Variants in DPM1 observed in about 807,000 individuals in gnomAD.
The protein encoded by DPM1 is dolichyl-phosphate mannosyltransferase subunit 1, catalytic, also known as dolichol-phosphate mannosyltransferase subunit 1.
DPM1 carries 27 observed loss-of-function variants against 39.0 expected under a neutral mutation model. The observed-to-expected ratio is 0.69, with a 90% CI of 0.51 to 0.95. The LOEUF is 0.95. DPM1 is among the 40% of genes least tolerant of loss of function. The pLI is 0.00. For missense variants in DPM1, 307 were observed against 315.6 expected (o/e 0.97, Z 0.21); for synonymous variants, 124 against 109.0 (o/e 1.14, Z -0.86).
chr20:50,951,088 CA>C (rs2123131583), intron 2 of DPM1, among the ~76,000 whole-genome samples: 1 of 152,228 alleles, frequency 6.6e-6, no homozygotes, highest in South Asian at 2.1e-4. Context: ...TAAAATAAAA[CA>C]ATTACAACAA....
chr20:50,955,365 A>G (rs1986773778), intron 1 of DPM1, 80 bp from the exon 2 acceptor site: 5 of 994,138 alleles, frequency 5.0e-6, no homozygotes, highest in Admixed American at 3.9e-5. Context: ...CTAATTCCTT[A>G]AAAGTATAAA....
chr20:50,941,502 A>G (rs1355956845), intron 6 of DPM1, among the ~76,000 whole-genome samples: 1 of 150,436 alleles, frequency 6.6e-6, no homozygotes. Flanking sequence ...ACCTGAGCTC[A>G]GGAGTTCGAG....
chr20:50,958,072 CAAGTAA>C (rs1478973799), intron 1 of DPM1, among the ~76,000 whole-genome samples: 3 of 152,214 alleles, frequency 2.0e-5, no homozygotes, highest in African/African-American at 7.2e-5. Context: ...GCCTCGCTTC[CAAGTAA>C]AAGAGTGGCC....
chr20:50,948,740 CAT>C (rs570292112), intron 2 of DPM1, 78 bp from the exon 3 acceptor site: 6 of 1,252,706 alleles, frequency 4.8e-6, no homozygotes, highest in Non-Finnish European at 7.0e-6. Flanking sequence ...TTCAAAAGTG[CAT>C]ACTCACTTTA....
chr20:50,938,868 A>G (rs1427426063), intron 7 of DPM1, among the ~76,000 whole-genome samples: 1 of 151,430 alleles, frequency 6.6e-6, no homozygotes, highest in East Asian at 2.0e-4. Context: ...AATCCCAGCT[A>G]CTCGGGAGGC....
intron 2 of DPM1, 100 bp from the exon 3 acceptor site, chr20:50,948,762 T>C (rs1986423520): frequency 1.8e-6 from 2 of 1,082,026 alleles, no homozygotes; most frequent in African/African-American, 1.6e-5. Flanking sequence ...AATAGAAATA[T>C]AGTTGCACTT....
At chr20:50,940,086 TTGTGTGTGTGTGTGTG>T (rs11469059) in intron 7 of DPM1, among the ~76,000 whole-genome samples, 8 of 146,636 alleles carry the variant, frequency 5.5e-5, no homozygotes, top group South Asian at 2.2e-4. Flanking sequence ...AGGTCCTAAT[TTGTGTGTGTGTGTGTG>T]TGTGTGTGTG....
chr20:50,934,974 A>T lies in DPM1; in HGVS notation c.*158T>A, dbSNP rs1985022087. The T allele has an allele frequency of 1.1e-5, 6 of 564,770 alleles. No homozygotes were observed. Among genetic ancestry groups the T allele is most frequent in the Non-Finnish European group, 1.9e-5 (6 of 315,370 alleles). The allele number at this position is 564,770 out of a possible 1,614,324, so 35.0% of individuals were successfully genotyped here. ...TAGGCCAGCAACTTTAAAATTATTT[A>T]ATTTGAAATATAAAATAGGTGGTCT... is the stretch of plus-strand genomic sequence containing the variant. On this transcript the variant is annotated 3_prime_UTR_variant, in exon 9 of 9. Transcript: ENST00000371588.
At chr20:50,951,892 T>C (rs1418801136) in intron 2 of DPM1, among the ~76,000 whole-genome samples, 1 of 152,236 alleles carries the variant, frequency 6.6e-6, no homozygotes, top group Non-Finnish European at 1.5e-5. Context: ...TTATTTCTTA[T>C]GTAGGAAATC....
chr20:50,947,445 T>A (rs879931075), intron 3 of DPM1, among the ~76,000 whole-genome samples: 2 of 152,334 alleles, frequency 1.3e-5, no homozygotes, highest in Middle Eastern at 3.4e-3. Flanking sequence ...CCAAAGAATC[T>A]TCTGGGTTCA....
intron 5 of DPM1, 126 bp downstream of exon 5, chr20:50,945,611 G>C: frequency 1.0e-6 from 1 of 984,394 alleles, no homozygotes; most frequent in Admixed American, 2.5e-5. Context: ...CCCAAACTTT[G>C]TTTATATTTT....
At chr20:50,956,124 C>G (rs1986810758) in intron 1 of DPM1, among the ~76,000 whole-genome samples, 1 of 152,022 alleles carries the variant, frequency 6.6e-6, no homozygotes. Context: ...CTCACATTAT[C>G]AAATTAAAAA....
chr20:50,958,207 C>T (rs1159029961), intron 1 of DPM1, among the ~76,000 whole-genome samples, 156 bp downstream of exon 1: 2 of 152,218 alleles, frequency 1.3e-5, no homozygotes, highest in Non-Finnish European at 2.9e-5. Context: ...AACAAGCATC[C>T]GCCTCTGCTT....
At chr20:50,939,169 C>A (rs1318386702) in intron 7 of DPM1, among the ~76,000 whole-genome samples, 5 of 152,048 alleles carry the variant, frequency 3.3e-5, no homozygotes, top group African/African-American at 1.2e-4. Flanking sequence ...ACCACCCTCA[C>A]CCCATTCCTC....
At chr20:50,949,169 C>A (rs924491365) in intron 2 of DPM1, among the ~76,000 whole-genome samples, 4 of 152,176 alleles carry the variant, frequency 2.6e-5, no homozygotes, top group Non-Finnish European at 5.9e-5. Context: ...AGCAAAGCAA[C>A]ATTCTTTAAC....
intron 6 of DPM1, chr20:50,941,190 A>G: frequency 2.7e-6 from 1 of 373,090 alleles, no homozygotes; most frequent in Non-Finnish European, 4.7e-6. Context: ...CAGCCTGGGC[A>G]ACATGGCAAA....
At chr20:50,947,344 C>A (rs944319115) in intron 3 of DPM1, among the ~76,000 whole-genome samples, 1 of 152,234 alleles carries the variant, frequency 6.6e-6, no homozygotes, top group African/African-American at 2.4e-5. Context: ...GCACTCCAGC[C>A]TGGGGATCAG....
intron 1 of DPM1, among the ~76,000 whole-genome samples, chr20:50,956,120 T>C (rs376232032): frequency 2.0e-5 from 3 of 152,090 alleles, no homozygotes; most frequent in East Asian, 1.9e-4. Flanking sequence ...TTACCTCACA[T>C]TATCAAATTA....
intron 5 of DPM1, chr20:50,944,279 C>T (rs1271663120): frequency 5.9e-5 from 9 of 152,282 alleles, no homozygotes; most frequent in South Asian, 2.1e-4. Flanking sequence ...CCAGGAAGAA[C>T]GTCTTCTTTT....
Sources: allele counts gnomAD v4.1 joint callset (sites outside exome capture counted in the v4.1 genomes callset), GRCh38; gene constraint gnomAD v4.1.1; transcripts MANE v1.5; gene names NCBI Gene and HGNC (gene_info 2026-07-23, HGNC 2026-07-21).